The following GRID2 variants were observed in gnomAD, a reference collection of about 807,000 sequenced individuals.
The protein encoded by GRID2 is glutamate receptor ionotropic, delta-2.
A neutral mutation model predicts 114.8 loss-of-function variants in GRID2; 33 were observed. The observed-to-expected ratio is 0.29, with a 90% CI of 0.22 to 0.38. The LOEUF is 0.38. GRID2 is among the 10% of genes least tolerant of loss of function. The probability of loss-of-function intolerance (pLI) is 1.00; values close to 1 mark genes in which losing one functional copy is unlikely to be tolerated. For missense variants in GRID2, 1,184 were observed against 1,257.7 expected, an observed-to-expected ratio of 0.94 and a Z score of 0.89; for synonymous variants, 505 against 449.9, an observed-to-expected ratio of 1.12 and a Z score of -1.55.
chr4:92,638,858 C>T (rs1560504055), intron 2 of GRID2, among the ~76,000 whole-genome samples: 2 of 150,628 alleles, frequency 1.3e-5, no homozygotes, highest in African/African-American at 4.9e-5. Context: ...CTCAATATTT[C>T]ATATGATAGT....
intron 2 of GRID2, among the ~76,000 whole-genome samples, chr4:92,667,158 A>T (rs1036811956): frequency 1.3e-5 from 2 of 151,686 alleles, no homozygotes; most frequent in African/African-American, 4.8e-5. Context: ...CCTAGAAGAT[A>T]CAAGCCTTTA....
rs72670685 is a variant in GRID2 at position 93,616,125 on chromosome 4, A to G, written c.2194-10144A>G. Among the ~76,000 whole-genome samples the G allele has an allele frequency of 1.7e-4, 26 of 152,256 alleles. 1 individual carries two copies. The highest frequency in any genetic ancestry group is 3.7e-4 in the Non-Finnish European group (25 of 68,030). On this transcript the variant is annotated intron_variant, in intron 13 of 15. Transcript: ENST00000282020. The stretch of plus-strand genomic sequence containing the variant: ...TCCTCAAGTTTTTCTGCACATTTTG[A>G]GGTAACTGAAAAGTGATCAAAAATT...
intron 3 of GRID2, among the ~76,000 whole-genome samples, chr4:93,108,950 A>T (rs1006349479): frequency 1.3e-5 from 2 of 152,128 alleles, no homozygotes; most frequent in Admixed American, 6.5e-5. Context: ...TTCTAAAGGT[A>T]TATTGGTTCT....
intron 2 of GRID2, among the ~76,000 whole-genome samples, chr4:92,794,197 C>A (rs1433498346): frequency 6.6e-6 from 1 of 151,692 alleles, no homozygotes; most frequent in Admixed American, 6.6e-5. Flanking sequence ...CTCACTGTAG[C>A]CTCCAACTCC....
At chr4:93,529,411 A>G (rs908371251) in intron 13 of GRID2, among the ~76,000 whole-genome samples, 3 of 152,178 alleles carry the variant, frequency 2.0e-5, no homozygotes, top group Admixed American at 1.3e-4. Flanking sequence ...CCTAAGAGAA[A>G]TGTAAAGTCT....
chr4:93,726,131 G>A lies in GRID2; in HGVS notation c.2361-43079G>A, dbSNP rs573754053. Among the ~76,000 whole-genome samples the A allele has an allele frequency of 2.6e-5, 4 of 152,198 alleles. No individual in the cohort carries two copies. In the South Asian group the frequency reaches 6.2e-4, roughly 24 times the overall value. On this transcript the variant is annotated intron_variant, in intron 14 of 15. Coordinates refer to ENST00000282020, the MANE Select transcript of GRID2 (RefSeq NM_001510.4). The stretch of plus-strand genomic sequence containing the variant: ...TTATGGTTTTAGGTCTAACATGTAA[G>A]TCTTTAATCCAACCTGAATTAATTT...
chr4:93,186,834 C>G (rs145044483), intron 4 of GRID2, among the ~76,000 whole-genome samples: 71 of 152,170 alleles, frequency 4.7e-4, no homozygotes, highest in African/African-American at 1.6e-3. Flanking sequence ...ATATGACTGT[C>G]TTTGTTTGGG....
Position 92,493,689 on chromosome 4 carries a change from A to T in GRID2, c.89-96442A>T, listed in dbSNP as rs140722605. 1.6e-4 allele frequency among the ~76,000 whole-genome samples: 24 copies of T among 152,300 alleles called. 1 individual carries two copies. In the East Asian group the frequency reaches 4.6e-3, roughly 29 times the overall value. On this transcript the variant is annotated intron_variant, in intron 1 of 15. Transcript: ENST00000282020. ...CATTGACTCCCGTTGGCCTTAGGAT[A>T]AAGCGTGATTGCCATGGCTAAACGC...
intron 4 of GRID2, among the ~76,000 whole-genome samples, chr4:93,119,321 A>G (rs1319132422): frequency 6.6e-6 from 1 of 152,162 alleles, no homozygotes; most frequent in Non-Finnish European, 1.5e-5. Context: ...TTAAATATAG[A>G]TTGGAATGAT....
At chr4:92,404,171 GTA>G (rs1380811783) in intron 1 of GRID2, among the ~76,000 whole-genome samples, 3 of 152,148 alleles carry the variant, frequency 2.0e-5, no homozygotes, top group Non-Finnish European at 4.4e-5. Context: ...GCAAAGAGCA[GTA>G]AAGTTTAACA....
At chr4:92,567,557 G>A (rs1727396472) in intron 1 of GRID2, among the ~76,000 whole-genome samples, 1 of 151,982 alleles carries the variant, frequency 6.6e-6, no homozygotes, top group African/African-American at 2.4e-5. Flanking sequence ...GAGAAATAAA[G>A]TTTCATCGGG....
intron 11 of GRID2, among the ~76,000 whole-genome samples, chr4:93,456,482 T>C (rs1023313541): frequency 1.3e-5 from 2 of 152,220 alleles, no homozygotes; most frequent in African/African-American, 2.4e-5. Context: ...CTTTGATATG[T>C]AATCTTTACT....
intron 12 of GRID2, among the ~76,000 whole-genome samples, chr4:93,495,647 A>G (rs1027653901): frequency 5.0e-4 from 76 of 151,738 alleles, no homozygotes; most frequent in African/African-American, 1.7e-3. Context: ...GTAGGCATGC[A>G]TGGGAGGCCG....
At chr4:93,042,692 CATAT>C (rs917955921) in intron 2 of GRID2, among the ~76,000 whole-genome samples, 1 of 133,746 alleles carries the variant, frequency 7.5e-6, no homozygotes, top group East Asian at 2.2e-4. Context: ...TATATATATG[CATAT>C]ATATATGCAT....
At chr4:93,714,385 A>G (rs115564923) in intron 14 of GRID2, among the ~76,000 whole-genome samples, 6,415 of 152,228 alleles carry the variant, frequency 0.042, 220 homozygotes, top group African/African-American at 0.085. Flanking sequence ...ATTGTGAATA[A>G]TGCTGCAACA....
chr4:92,747,151 C>T (rs985920637), intron 2 of GRID2, among the ~76,000 whole-genome samples: 1 of 151,856 alleles, frequency 6.6e-6, no homozygotes, highest in African/African-American at 2.4e-5. Flanking sequence ...AGGTAAAATA[C>T]CCTAAAATGA....
chr4:93,613,601 G>T (rs1235755524), intron 13 of GRID2, among the ~76,000 whole-genome samples: 1 of 107,714 alleles, frequency 9.3e-6, no homozygotes, highest in South Asian at 3.6e-4. Context: ...CCTGCTGGGG[G>T]GTGCCTCCCA....
At chr4:93,544,590 C>T (rs1317784924) in intron 13 of GRID2, among the ~76,000 whole-genome samples, 1 of 151,694 alleles carries the variant, frequency 6.6e-6, no homozygotes, top group Non-Finnish European at 1.5e-5. Flanking sequence ...CCAGCCTGAC[C>T]AACATGGAGA....
At chr4:92,694,146 T>C (rs1262571471) in intron 2 of GRID2, among the ~76,000 whole-genome samples, 4 of 152,136 alleles carry the variant, frequency 2.6e-5, no homozygotes, top group African/African-American at 9.7e-5. Context: ...AAAGCTAGAC[T>C]GAAGAAGAAA....
Sources: allele counts gnomAD v4.1 joint callset (sites outside exome capture counted in the v4.1 genomes callset), GRCh38; gene constraint gnomAD v4.1.1; transcripts MANE v1.5; gene names NCBI Gene and HGNC (gene_info 2026-07-23, HGNC 2026-07-21).